Variants in OSBPL1A observed in about 807,000 individuals in gnomAD.
The protein encoded by OSBPL1A is oxysterol-binding protein-related protein 1.
Under a neutral mutation model 137.1 loss-of-function variants are expected in OSBPL1A, and 80 were observed. The observed-to-expected ratio is 0.58, with a 90% CI of 0.49 to 0.70. The LOEUF (loss-of-function observed/expected upper bound fraction) is 0.70, where lower values mean the gene tolerates loss of function less well. Ranked by LOEUF, OSBPL1A falls within the 30% of genes least tolerant of loss-of-function variation. The pLI, the probability that OSBPL1A is intolerant of heterozygous loss-of-function variation, is 0.00. For missense variants in OSBPL1A, 970 were observed against 1,129.4 expected, an observed-to-expected ratio of 0.86 and a Z score of 2.02; for synonymous variants, 365 against 389.7, an observed-to-expected ratio of 0.94 and a Z score of 0.75.
chr18:24,226,144 T>A (rs946745241), intron 16 of OSBPL1A, among the ~76,000 whole-genome samples: 6 of 152,140 alleles, frequency 3.9e-5, no homozygotes, highest in Admixed American at 3.3e-4. Context: ...ATCTGCCAGT[T>A]TGGGAAGAAG....
In OSBPL1A at chr18:24,332,212, C is replaced by G. The variant is rs150285754; in HGVS notation, c.625+730G>C. 4.3e-3 allele frequency among the ~76,000 whole-genome samples: 653 copies of G among 151,586 alleles called. 7 individuals are homozygous for G. The highest frequency in any genetic ancestry group is 0.015 in the African/African-American group (628 of 41,314). Reference sequence around the variant, plus strand: ...CCAACATGGTGAAACCCCATCTCTACTAAAAATACAAAAAAATCAGCCAGG... The same window carrying G: ...CCAACATGGTGAAACCCCATCTCTAGTAAAAATACAAAAAAATCAGCCAGG... On this transcript the variant is annotated intron_variant, in intron 7 of 27. Coordinates refer to ENST00000319481, the MANE Select transcript of OSBPL1A (RefSeq NM_080597.4).
intron 14 of OSBPL1A, among the ~76,000 whole-genome samples, chr18:24,287,306 G>A (rs16940642): frequency 0.035 from 5,310 of 152,280 alleles, 128 homozygotes; most frequent in African/African-American, 0.054. Context: ...GGTAACTAGG[G>A]TTGAGCCACA....
intron 7 of OSBPL1A, among the ~76,000 whole-genome samples, chr18:24,332,418 C>T (rs939866131): frequency 2.5e-5 from 3 of 119,348 alleles, no homozygotes; most frequent in Non-Finnish European, 3.6e-5. Flanking sequence ...AAAAAAAAGG[C>T]CCCTAGCATT....
intron 15 of OSBPL1A, among the ~76,000 whole-genome samples, chr18:24,253,626 T>C (rs1405039386): frequency 6.6e-6 from 1 of 152,102 alleles, no homozygotes; most frequent in East Asian, 1.9e-4. Context: ...GGTAAGGACT[T>C]GGGAAGTGGG....
chr18:24,274,592 A>G (rs1599601207), intron 15 of OSBPL1A, among the ~76,000 whole-genome samples: 1 of 152,234 alleles, frequency 6.6e-6, no homozygotes, highest in East Asian at 1.9e-4. Context: ...TTTAATACAT[A>G]GGCAGATGAA....
At chr18:24,359,855 G>T (rs2091595749) in intron 4 of OSBPL1A, among the ~76,000 whole-genome samples, 1 of 152,214 alleles carries the variant, frequency 6.6e-6, no homozygotes, top group African/African-American at 2.4e-5. Flanking sequence ...ACTAAACACA[G>T]TATTTTAAAA....
chr18:24,203,314 G>C (rs962855543), intron 17 of OSBPL1A, among the ~76,000 whole-genome samples: 3 of 152,076 alleles, frequency 2.0e-5, no homozygotes, highest in Admixed American at 6.6e-5. Flanking sequence ...ATGATCTACA[G>C]ATAAAGGACA....
At chr18:24,275,476 A>G (rs2089823348) in intron 15 of OSBPL1A, among the ~76,000 whole-genome samples, 1 of 152,154 alleles carries the variant, frequency 6.6e-6, no homozygotes, top group Non-Finnish European at 1.5e-5. Flanking sequence ...GGCCCAAAAG[A>G]GCTGTGAAGA....
chr18:24,372,141 G>A (rs1160092866), intron 2 of OSBPL1A, among the ~76,000 whole-genome samples: 1 of 151,914 alleles, frequency 6.6e-6, no homozygotes. Context: ...CAGGCGTGGT[G>A]GCGCACACCT....
At chr18:24,230,169 C>A (rs1397590124) in intron 16 of OSBPL1A, among the ~76,000 whole-genome samples, 1 of 152,156 alleles carries the variant, frequency 6.6e-6, no homozygotes, top group African/African-American at 2.4e-5. Context: ...GTGCATCCTG[C>A]CTCCCATGTG....
Position 24,324,056 on chromosome 18 carries a change from T to TA in OSBPL1A, c.626-5248dup, listed in dbSNP as rs766728996. ...GCAGCATGATTTATACTCATTTGGGTAAAAAAAAAAAAAAAAATTAGCCAG... is the reference window on the plus strand; with the variant it reads ...GCAGCATGATTTATACTCATTTGGGTAAAAAAAAAAAAAAAAAATTAGCCAG... On this transcript the variant is annotated intron_variant, in intron 7 of 27. Transcript: ENST00000319481. Among the ~76,000 whole-genome samples the TA allele has an allele frequency of 8.9e-3, 578 of 65,196 alleles. 122 individuals carry two copies. Among genetic ancestry groups the TA allele is most frequent in the Admixed American group, 0.052 (414 of 8,000 alleles). The allele number at this position is 65,196 out of a possible 152,430, so 42.8% of individuals were successfully genotyped here.
At chr18:24,200,425 A>G (rs1377597649) in intron 17 of OSBPL1A, among the ~76,000 whole-genome samples, 1 of 151,984 alleles carries the variant, frequency 6.6e-6, no homozygotes, top group Non-Finnish European at 1.5e-5. Flanking sequence ...TAGCAGGTGC[A>G]GTGGTGGGTG....
At chr18:24,250,269 TG>T (rs1022927562) in intron 15 of OSBPL1A, among the ~76,000 whole-genome samples, 5 of 152,064 alleles carry the variant, frequency 3.3e-5, no homozygotes, top group African/African-American at 1.2e-4. Flanking sequence ...CTCTCTTTCC[TG>T]GGTTTGAGCA....
At chr18:24,225,475 C>T (rs888256364) in intron 16 of OSBPL1A, among the ~76,000 whole-genome samples, 7 of 152,262 alleles carry the variant, frequency 4.6e-5, no homozygotes, top group Admixed American at 3.3e-4. Context: ...CAGTTCTTTA[C>T]GAAATCATAT....
intron 17 of OSBPL1A, among the ~76,000 whole-genome samples, chr18:24,199,714 A>G (rs1296775341): frequency 6.6e-6 from 1 of 152,254 alleles, no homozygotes; most frequent in Non-Finnish European, 1.5e-5. Context: ...GAATGCTTAT[A>G]TTAGGGTGGC....
chr18:24,208,052 C>G (rs1344891112), intron 17 of OSBPL1A, among the ~76,000 whole-genome samples: 1 of 152,096 alleles, frequency 6.6e-6, no homozygotes, highest in Non-Finnish European at 1.5e-5. Context: ...GCCTACAAGT[C>G]CCAATTTAAA....
intron 17 of OSBPL1A, among the ~76,000 whole-genome samples, chr18:24,213,607 A>G (rs1330746448): frequency 6.6e-6 from 1 of 152,148 alleles, no homozygotes; most frequent in Non-Finnish European, 1.5e-5. Context: ...TAATTATCTG[A>G]TATTACTATT....
intron 15 of OSBPL1A, among the ~76,000 whole-genome samples, chr18:24,263,566 T>C (rs1207682513): frequency 2.0e-5 from 3 of 152,218 alleles, no homozygotes; most frequent in Admixed American, 6.5e-5. Flanking sequence ...TGACATTACC[T>C]ATAACAAAGT....
rs774413061 is a variant in OSBPL1A, at chr18:24,366,876, A to G, written c.282+16T>C. The stretch of plus-strand genomic sequence containing the variant: ...AATACCTCACTTACAAACATTGAAC[A>G]TAGAATGATTTTCACCTTTCGTCCT... On this transcript the variant is annotated intron_variant, in intron 4 of 27. Coordinates refer to ENST00000319481, the MANE Select transcript of OSBPL1A (RefSeq NM_080597.4). 6.2e-7 allele frequency: 1 copy of G among 1,607,212 alleles called. No individual in the cohort carries two copies. The highest frequency in any genetic ancestry group is 1.1e-5 in the South Asian group (1 of 89,818).
Sources: gnomAD v4.1 joint callset for allele counts (sites outside exome capture counted in the v4.1 genomes callset) on GRCh38, gnomAD v4.1.1 for gene constraint, MANE v1.5 for transcripts, NCBI Gene and HGNC (gene_info 2026-07-23, HGNC 2026-07-21) for gene names.